HTR7: variants seen among roughly 807,000 people sequenced by gnomAD.
HTR7 encodes 5-hydroxytryptamine receptor 7, also known as 5-HT-7.
In HTR7, 16 loss-of-function variants were observed where a neutral mutation model predicts 34.0. The ratio of observed to expected loss-of-function variants is 0.47; its 90% CI spans 0.32 to 0.71. The LOEUF is 0.71. HTR7 is among the 30% of genes least tolerant of loss of function. The pLI is 0.04. For synonymous variants in HTR7, 265 were observed against 260.2 expected (o/e 1.02, Z -0.18); for missense variants, 504 against 625.5 (o/e 0.81, Z 2.07).
At chr10:90,807,520 C>T (rs1443399931) in intron 1 of HTR7, among the ~76,000 whole-genome samples, 2 of 152,204 alleles carry the variant, frequency 1.3e-5, no homozygotes, top group Non-Finnish European at 2.9e-5. Context: ...AAAACCTCCC[C>T]CACTGAGCAC....
chr10:90,780,099 G>A (rs1248598631), intron 1 of HTR7, among the ~76,000 whole-genome samples: 1 of 152,146 alleles, frequency 6.6e-6, no homozygotes, highest in Non-Finnish European at 1.5e-5. Flanking sequence ...TCAAGTATGA[G>A]GCCAGGTGTC....
At chr10:90,814,345 G>A (rs899599303) in intron 1 of HTR7, among the ~76,000 whole-genome samples, 1 of 152,158 alleles carries the variant, frequency 6.6e-6, no homozygotes, top group African/African-American at 2.4e-5. Flanking sequence ...AAATGCTGTG[G>A]TTATAGGGGC....
Position 90,857,514 on chromosome 10 carries a change from G to A in HTR7, c.158C>T (p.Thr53Ile). Reference protein sequence around the residue: ...SWAPHLLSEVTASPAPTWDAP... With the variant: ...SWAPHLLSEVIASPAPTWDAP... ...GTCCCAGGTGGGCGCCGGGCTGGCT[G>A]TCACCTCGCTCAGCAGGTGCGGCGC... is the stretch of plus-strand genomic sequence containing the variant. Residue 53 changes from threonine (T) to isoleucine (I), a missense_variant, in exon 1 of 4, where the codon ACA (threonine) becomes ATA (isoleucine). Thr to Ile is a moderately conservative substitution (Grantham distance 89). Coordinates refer to ENST00000336152, the MANE Select transcript of HTR7 (RefSeq NM_019859.4). The surrounding 1 kb of genome is among the most constrained non-coding windows in gnomAD (Gnocchi z 6.5). 4 of 1,611,558 alleles carry A rather than the reference G, an allele frequency of 2.5e-6. No individual in the cohort carries two copies. Among genetic ancestry groups the A allele is most frequent in the African/African-American group, 1.3e-5 (1 of 75,016 alleles).
chr10:90,846,914 CT>C (rs1226197212), intron 1 of HTR7, among the ~76,000 whole-genome samples: 2 of 152,200 alleles, frequency 1.3e-5, no homozygotes, highest in African/African-American at 4.8e-5. Context: ...ACTTGTGCTT[CT>C]CCTATGCTAT....
At chr10:90,854,797 C>A (rs1266208273) in intron 1 of HTR7, among the ~76,000 whole-genome samples, 1 of 152,128 alleles carries the variant, frequency 6.6e-6, no homozygotes, top group African/African-American at 2.4e-5. Context: ...TACACAAAAG[C>A]CTGTAATGAG....
intron 1 of HTR7, among the ~76,000 whole-genome samples, chr10:90,780,469 G>A (rs1280728261): frequency 1.3e-5 from 2 of 151,248 alleles, no homozygotes; most frequent in South Asian, 2.1e-4. Context: ...CCCAGGAGAC[G>A]GAGGTTGCAG....
At chr10:90,778,133 A>G (rs1401973597) in intron 1 of HTR7, among the ~76,000 whole-genome samples, 1 of 152,238 alleles carries the variant, frequency 6.6e-6, no homozygotes, top group Admixed American at 6.5e-5. Flanking sequence ...ACCACTGGAC[A>G]TAATGAGCTC....
At chr10:90,807,984 A>G (rs1281808435) in intron 1 of HTR7, among the ~76,000 whole-genome samples, 1 of 151,922 alleles carries the variant, frequency 6.6e-6, no homozygotes, top group Non-Finnish European at 1.5e-5. Context: ...TTCAATTTCA[A>G]TTCCTTTCAT....
intron 1 of HTR7, among the ~76,000 whole-genome samples, chr10:90,780,024 A>G (rs77872374): frequency 0.017 from 2,601 of 152,182 alleles, 87 homozygotes; most frequent in African/African-American, 0.058. Context: ...TGGTCACATC[A>G]TGTTATTGTC....
At chr10:90,791,743 T>C (rs1845463440) in intron 1 of HTR7, among the ~76,000 whole-genome samples, 1 of 152,190 alleles carries the variant, frequency 6.6e-6, no homozygotes, top group Non-Finnish European at 1.5e-5. Flanking sequence ...TTACAATTTC[T>C]AGTAAGTTGA....
At chr10:90,825,085 T>C (rs562183922) in intron 1 of HTR7, among the ~76,000 whole-genome samples, 1 of 152,232 alleles carries the variant, frequency 6.6e-6, no homozygotes, top group African/African-American at 2.4e-5. Context: ...GGGCTACTTA[T>C]ATAACCCCTT....
At position 90,857,314 on chromosome 10, in the gene HTR7, T is replaced by C; in HGVS notation, c.358A>G (p.Ile120Val). The C allele has an allele frequency of 6.2e-7, 1 of 1,612,022 alleles. No homozygotes were observed. The highest frequency in any genetic ancestry group is 8.5e-7 in the Non-Finnish European group (1 of 1,179,664). The change falls in exon 1 of 4, where the codon ATC (isoleucine) becomes GTC (valine). Residue 120 changes from isoleucine to valine, a missense_variant. Physicochemically the swap from Ile to Val is conservative, Grantham distance 29. Transcript: ENST00000336152. This position sits in a 1 kb window ranked among gnomAD's most constrained non-coding sequence, Gnocchi z 6.5. ...KKLRQPSNYL[I>V]VSLALADLSV... ...AGGTCGGCCAGCGCCAGGGACACGA[T>C]CAGGTAGTTGGAGGGCTGGCGGAGC... is the stretch of plus-strand genomic sequence containing the variant.
chr10:90,821,323 T>C (rs1372640678), intron 1 of HTR7, among the ~76,000 whole-genome samples: 2 of 152,080 alleles, frequency 1.3e-5, no homozygotes, highest in African/African-American at 2.4e-5. Context: ...ATCCGTGCAC[T>C]TGGGGGAGAA....
intron 1 of HTR7, among the ~76,000 whole-genome samples, chr10:90,780,520 G>C (rs1349753429): frequency 2.1e-5 from 3 of 142,370 alleles, no homozygotes; most frequent in Admixed American, 1.4e-4. Context: ...CTGGGCGACA[G>C]AGTGAGACTC....
chr10:90,791,596 C>T (rs1469631882), intron 1 of HTR7, among the ~76,000 whole-genome samples: 2 of 151,872 alleles, frequency 1.3e-5, no homozygotes, highest in Non-Finnish European at 2.9e-5. Flanking sequence ...GCAAGGCTAG[C>T]CTAAATTAAA....
chr10:90,752,610 C>A (rs536708429), intron 1 of HTR7, among the ~76,000 whole-genome samples: 1 of 151,174 alleles, frequency 6.6e-6, no homozygotes, highest in Non-Finnish European at 1.5e-5. Flanking sequence ...GGATACTTAT[C>A]CCATTAAAAA....
intron 1 of HTR7, among the ~76,000 whole-genome samples, chr10:90,842,665 A>G (rs571048481): frequency 6.6e-6 from 1 of 151,590 alleles, no homozygotes; most frequent in South Asian, 2.1e-4. Flanking sequence ...GCTGACACCC[A>G]TGGCTTTCTT....
At chr10:90,803,657 C>T (rs1187297649) in intron 1 of HTR7, among the ~76,000 whole-genome samples, 2 of 152,318 alleles carry the variant, frequency 1.3e-5, no homozygotes, top group African/African-American at 4.8e-5. Flanking sequence ...TGACCATCAT[C>T]TGATGGTTGC....
chr10:90,847,371 C>T (rs189366229), intron 1 of HTR7, among the ~76,000 whole-genome samples: 1 of 152,254 alleles, frequency 6.6e-6, no homozygotes, highest in African/African-American at 2.4e-5. Context: ...CAGTTGGTGG[C>T]TAAGTGTTAC....
Sources: allele counts gnomAD v4.1 joint callset (sites outside exome capture counted in the v4.1 genomes callset), GRCh38; gene constraint gnomAD v4.1.1; non-coding constraint Gnocchi (gnomAD v3.1); transcripts MANE v1.5; gene names NCBI Gene and HGNC (gene_info 2026-07-23, HGNC 2026-07-21).